The following EIF5 variants were observed in gnomAD, a reference collection of about 807,000 sequenced individuals.
EIF5 encodes eukaryotic translation initiation factor 5.
In EIF5, 10 loss-of-function variants were observed where a neutral mutation model predicts 48.3. The ratio of observed to expected loss-of-function variants is 0.21; its 90% CI spans 0.13 to 0.35. The LOEUF is 0.35. EIF5 is among the 10% of genes least tolerant of loss of function. The pLI, the probability that EIF5 is intolerant of heterozygous loss-of-function variation, is 1.00. For missense variants in EIF5, 397 were observed against 533.2 expected (o/e 0.74, Z 2.51); for synonymous variants, 237 against 173.1 (o/e 1.37, Z -2.90).
intron 10 of EIF5, 29 bp from the exon 11 acceptor site, chr14:103,340,398 A>G (rs768858284): frequency 6.3e-7 from 1 of 1,585,232 alleles, no homozygotes; most frequent in Admixed American, 1.7e-5. Flanking sequence ...AAATTCCTCA[A>G]CTAAGAGACT....
rs1179849254 is a variant in EIF5, at chr14:103,341,032, A to G, written c.1276A>G (p.Ile426Val). The change falls in exon 12 of 12, where the codon ATC becomes GTC. Residue 426 changes from isoleucine (I) to valine (V), a missense_variant. Physicochemically the swap from Ile to Val is conservative, Grantham distance 29 (BLOSUM62 3). Transcript: ENST00000216554. ...AAAGTCAGACAACAAGGATGACGACATCGATATTGATGCCATTTAAAGGGA... is the reference window on the plus strand; with the variant it reads ...AAAGTCAGACAACAAGGATGACGACGTCGATATTGATGCCATTTAAAGGGA... ...TVKSDNKDDD[I>V]DIDAI is the part of the protein sequence containing the mutation. 3.1e-6 allele frequency: 5 copies of G among 1,614,004 alleles called. No individual in the cohort carries two copies. The highest frequency in any genetic ancestry group is 3.4e-6 in the Non-Finnish European group (4 of 1,179,978).
intron 9 of EIF5, 71 bp downstream of exon 9, chr14:103,339,404 C>G (rs1011207321): frequency 2.0e-6 from 3 of 1,528,114 alleles, no homozygotes; most frequent in East Asian, 4.5e-5. Context: ...ATATTAACCA[C>G]TTTTGCTTGT....
rs2089288587 is a variant in EIF5, at chr14:103,336,537, C to T, written c.155-140C>T. The T allele has an allele frequency of 5.6e-6, 5 of 889,392 alleles. No homozygotes were observed. The South Asian group carries it at 5.7e-5, about 10-fold the overall frequency. 55.1% of individuals were successfully genotyped at this position (889,392 alleles called of 1,614,324 possible). The stretch of plus-strand genomic sequence containing the variant: ...CGGAGGTTGCAGTGAGCTGAGACCA[C>T]GCCGTTGCACTCCAGCCTGGGTGAC... On this transcript the variant is annotated intron_variant, in intron 4 of 11. Coordinates refer to ENST00000216554, the MANE Select transcript of EIF5 (RefSeq NM_001969.5).
intron 4 of EIF5, chr14:103,336,371 A>C (rs183004228): frequency 1.7e-6 from 1 of 579,548 alleles, no homozygotes; most frequent in Non-Finnish European, 3.0e-6. Context: ...TCGCGAGGTC[A>C]GGAGTTCTAG....
At chr14:103,334,653 C>G (rs998537380) in intron 2 of EIF5, 56 bp downstream of exon 2, 2 of 149,056 alleles carry the variant, frequency 1.3e-5, no homozygotes, top group African/African-American at 4.9e-5. Context: ...TGGCGGCGGC[C>G]GCCGCGTGAC....
In EIF5 at chr14:103,340,477, A is replaced by G. The variant is rs1375222010; in HGVS notation, c.1122A>G (p.Lys374=). ...AACTTGCCAAAGAGATTCGTGTCAA[A>G]GCAGAACCATTTATAAAATGGTTGA... ...SKELAKEIRV[K]AEPFIKWLKE... Residue 374 remains lysine (K), a synonymous_variant, in exon 11 of 12, where the codon AAA becomes AAG. Transcript: ENST00000216554. The G allele has an allele frequency of 1.2e-6, 2 of 1,611,994 alleles. No homozygotes were observed. Among genetic ancestry groups the G allele is most frequent in the African/African-American group, 1.3e-5 (1 of 74,912 alleles).
Position 103,340,405 on chromosome 14 carries a change from G to T in EIF5, c.1072-22G>T, listed in dbSNP as rs762180087. The T allele has an allele frequency of 3.1e-6, 5 of 1,592,372 alleles. No individual in the cohort carries two copies. The South Asian group carries it at 4.4e-5, about 14-fold the overall frequency. On this transcript the variant is annotated intron_variant, in intron 10 of 11. Coordinates refer to ENST00000216554, the MANE Select transcript of EIF5 (RefSeq NM_001969.5). ...AGTTGTTAAAATTCCTCAACTAAGA[G>T]ACTTGTACTCACATTTTTTAGGCCT...
intron 9 of EIF5, 70 bp from the exon 10 acceptor site, chr14:103,339,569 A>T (rs2089328851): frequency 1.2e-6 from 2 of 1,603,844 alleles, no homozygotes; most frequent in African/African-American, 2.7e-5. Flanking sequence ...AGACACTCTT[A>T]TTTGGGTAAT....
intron 5 of EIF5, 77 bp from the exon 6 acceptor site, chr14:103,337,039 C>T (rs2089294897): frequency 7.2e-7 from 1 of 1,397,490 alleles, no homozygotes; most frequent in East Asian, 2.4e-5. Flanking sequence ...GCATGTGAAG[C>T]TGTCTGTGGT....
chr14:103,339,355 C>T, intron 9 of EIF5, 22 bp downstream of exon 9: 1 of 1,575,984 alleles, frequency 6.3e-7, no homozygotes, highest in Non-Finnish European at 8.6e-7. Flanking sequence ...GCTCTGGATT[C>T]ATAAATGAGA....
chr14:103,339,558 C>T lies in EIF5; in HGVS notation c.907-81C>T. 2.5e-6 allele frequency: 4 copies of T among 1,590,574 alleles called. No homozygotes were observed. The South Asian group carries it at 4.5e-5, about 18-fold the overall frequency. ...AACTATGGTATGGGCCATGCACTTG[C>T]AGACACTCTTATTTGGGTAATAGAG... On this transcript the variant is annotated intron_variant, in intron 9 of 11. Transcript: ENST00000216554.
chr14:103,344,287 T>A lies in EIF5; in HGVS notation c.*3235T>A, dbSNP rs746391221. The A allele has an allele frequency of 6.6e-6, 1 of 152,180 alleles. No homozygotes were observed. The highest frequency in any genetic ancestry group is 1.5e-5 in the Non-Finnish European group (1 of 68,042). 9.4% of individuals were successfully genotyped at this position (152,180 alleles called of 1,614,324 possible). The stretch of plus-strand genomic sequence containing the variant: ...AACAGTTTTTTTCTGGGAATCAAAT[T>A]TCTGTGGTTTTTATGGCCAGAAATT... On this transcript the variant is annotated 3_prime_UTR_variant, in exon 12 of 12. Coordinates refer to ENST00000216554, the MANE Select transcript of EIF5 (RefSeq NM_001969.5).
rs1207569338 is a variant in EIF5, at chr14:103,342,629, T to G, written c.*1577T>G. 6 of 152,588 alleles carry G rather than the reference T, an allele frequency of 3.9e-5. No homozygotes were observed. The highest frequency in any genetic ancestry group is 8.8e-5 in the Non-Finnish European group (6 of 68,036). The allele number at this position is 152,588 out of a possible 1,614,324, so 9.5% of individuals were successfully genotyped here. A position where few individuals can be genotyped will look rare whatever the true frequency, so the allele number is the denominator to read the frequency against. On this transcript the variant is annotated 3_prime_UTR_variant, in exon 12 of 12. Coordinates refer to ENST00000216554, the MANE Select transcript of EIF5 (RefSeq NM_001969.5). ...TAGAAACATTTGATGTAATAAAACT[T>G]GGTTGGCTTGATATTTTAAGGAATT...
Position 103,339,702 on chromosome 14 carries a change from A to G in EIF5, c.970A>G (p.Met324Val), listed in dbSNP as rs1301786616. Reference protein sequence around the residue: ...LLHGLECVVAMHQAQLISKIP... With the variant: ...LLHGLECVVAVHQAQLISKIP... ...TCATGGTTTGGAGTGTGTGGTAGCA[A>G]TGCATCAAGCTCAGCTTATCTCCAA... is the stretch of plus-strand genomic sequence containing the variant. Residue 324 changes from methionine (M) to valine (V), a missense_variant, in exon 10 of 12, where the codon ATG (methionine) becomes GTG (valine). Physicochemically the swap from Met to Val is conservative, Grantham distance 21. Around this residue, in one of 4 missense-constraint regions of EIF5, gnomAD observed 160 missense variants for 184.8 expected, o/e 0.87. Coordinates refer to ENST00000216554, the MANE Select transcript of EIF5 (RefSeq NM_001969.5). 5.6e-6 allele frequency: 9 copies of G among 1,614,110 alleles called. No homozygotes were observed. Among genetic ancestry groups the G allele is most frequent in the Admixed American group, 3.3e-5 (2 of 60,004 alleles).
Position 103,339,655 on chromosome 14 carries a change from A to G in EIF5, c.923A>G (p.Lys308Arg), listed in dbSNP as rs1595364960. Residue 308 changes from lysine (K) to arginine (R), a missense_variant, in exon 10 of 12, where the codon AAA (lysine) becomes AGA (arginine). Physicochemically the swap from Lys to Arg is conservative, Grantham distance 26 (BLOSUM62 2). Around this residue, in one of 4 missense-constraint regions of EIF5, gnomAD observed 160 missense variants for 184.8 expected, o/e 0.87. Transcript: ENST00000216554. ...TATTTGCAGTTTTGTCACAACAACAAAAAAGCCCAACGGTACCTTCTTCAT... is the reference window on the plus strand; with the variant it reads ...TATTTGCAGTTTTGTCACAACAACAGAAAAGCCCAACGGTACCTTCTTCAT... ...RHFLRFCHNN[K>R]KAQRYLLHGL... is the part of the protein sequence containing the mutation. 6.2e-6 allele frequency: 10 copies of G among 1,614,230 alleles called. No individual in the cohort carries two copies. The highest frequency in any genetic ancestry group is 1.1e-5 in the South Asian group (1 of 91,078).
rs1444854311 is a variant in EIF5, at chr14:103,336,859, TTTG to T, written c.327+12_327+14del. 2.1e-5 allele frequency: 34 copies of T among 1,606,198 alleles called. No individual in the cohort carries two copies. The highest frequency in any genetic ancestry group is 2.9e-5 in the Non-Finnish European group (34 of 1,176,676). ...TCCTGAAACAGATTTGGTAAGTGCTTTTGTGGTTGTCGAAAGAAAAAGCCATAT... is the reference window on the plus strand; with the variant it reads ...TCCTGAAACAGATTTGGTAAGTGCTTTGGTTGTCGAAAGAAAAAGCCATAT... On this transcript the variant is annotated intron_variant, in intron 5 of 11. Transcript: ENST00000216554.
Position 103,344,319 on chromosome 14 carries a change from A to G in EIF5, c.*3267A>G, listed in dbSNP as rs926934996. On this transcript the variant is annotated 3_prime_UTR_variant, in exon 12 of 12. Transcript: ENST00000216554. Reference sequence around the variant, plus strand: ...GTTTTTATGGCCAGAAATTTTAAGGACTTGTGTGTGCTGGGATATGAGAAT... The same window carrying G: ...GTTTTTATGGCCAGAAATTTTAAGGGCTTGTGTGTGCTGGGATATGAGAAT... 6.6e-6 allele frequency: 1 copy of G among 152,064 alleles called. No homozygotes were observed. The highest frequency in any genetic ancestry group is 2.4e-5 in the African/African-American group (1 of 41,386). The allele number at this position is 152,064 out of a possible 1,614,324, so 9.4% of individuals were successfully genotyped here. A position where few individuals can be genotyped will look rare whatever the true frequency, so the allele number is the denominator to read the frequency against.
chr14:103,342,450 C>T lies in EIF5; in HGVS notation c.*1398C>T, dbSNP rs908037804. ...CAAGGTTAAACCTCTTGGCAGTTAC[C>T]CTTTTCACAAAGTGCACAGTGGGAA... On this transcript the variant is annotated 3_prime_UTR_variant, in exon 12 of 12. Coordinates refer to ENST00000216554, the MANE Select transcript of EIF5 (RefSeq NM_001969.5). The T allele has an allele frequency of 6.6e-6, 1 of 152,176 alleles. No homozygotes were observed. Among genetic ancestry groups the T allele is most frequent in the East Asian group, 1.9e-4 (1 of 5,204 alleles). 9.4% of individuals were successfully genotyped at this position (152,176 alleles called of 1,614,324 possible).
In EIF5 at chr14:103,337,137, A is replaced by G. The variant is rs1341899888; in HGVS notation, c.349A>G (p.Thr117Ala). ...GCAGCATGTCAATCCAAAGAAGCAA[A>G]CAATAGGTAATTCTTGTAAAGCCTG... Reference protein sequence around the residue: ...TDLHVNPKKQTIGNSCKACGY... With the variant: ...TDLHVNPKKQAIGNSCKACGY... Residue 117 changes from threonine to alanine, a missense_variant, in exon 6 of 12, where the codon ACA (threonine) becomes GCA (alanine). By Grantham distance (58) the Thr-to-Ala change is moderately conservative. Coordinates refer to ENST00000216554, the MANE Select transcript of EIF5 (RefSeq NM_001969.5). 1 of 1,611,688 alleles carries G rather than the reference A, an allele frequency of 6.2e-7. No homozygotes were observed. The highest frequency in any genetic ancestry group is 1.1e-5 in the South Asian group (1 of 90,378).
Sources: gnomAD v4.1 joint callset for allele counts on GRCh38, gnomAD v4.1.1 for gene constraint, gnomAD v4.1.1 regional missense constraint, MANE v1.5 for transcripts, NCBI Gene and HGNC (gene_info 2026-07-23, HGNC 2026-07-21) for gene names.